The following CAMTA1 variants were observed in gnomAD, a reference collection of about 807,000 sequenced individuals.
CAMTA1 encodes the protein calmodulin-binding transcription activator 1.
Under a neutral mutation model 170.9 loss-of-function variants are expected in CAMTA1, and 27 were observed. The observed-to-expected ratio is 0.16, with a 90% CI of 0.12 to 0.22. The LOEUF (loss-of-function observed/expected upper bound fraction) is 0.22. Among genes scored for constraint, CAMTA1 ranks in the 10% least tolerant of loss-of-function variants. The pLI, the probability that CAMTA1 is intolerant of heterozygous loss-of-function variation, is 1.00. For synonymous variants in CAMTA1, 833 were observed against 891.5 expected (o/e 0.93, Z 1.17); for missense variants, 1,619 against 2,217.2 (o/e 0.73, Z 5.42).
intron 7 of CAMTA1, among the ~76,000 whole-genome samples, chr1:7,643,087 G>T (rs1440947969): frequency 6.6e-6 from 1 of 151,912 alleles, no homozygotes; most frequent in Non-Finnish European, 1.5e-5. Flanking sequence ...GGTGACCAGG[G>T]TCCAGGTGCT....
chr1:7,344,616 A>C (rs1339568780), intron 5 of CAMTA1, among the ~76,000 whole-genome samples: 1 of 152,102 alleles, frequency 6.6e-6, no homozygotes, highest in Non-Finnish European at 1.5e-5. Flanking sequence ...AGACTTCTTA[A>C]TTGTTGCCAG....
At chr1:7,632,293 G>A (rs1244861765) in intron 6 of CAMTA1, among the ~76,000 whole-genome samples, 1 of 152,226 alleles carries the variant, frequency 6.6e-6, no homozygotes, top group Non-Finnish European at 1.5e-5. Context: ...CTGGCGGCAG[G>A]CAGGCCCGCC....
At chr1:7,494,868 A>G (rs1049575636) in intron 6 of CAMTA1, among the ~76,000 whole-genome samples, 7 of 152,186 alleles carry the variant, frequency 4.6e-5, no homozygotes, top group Admixed American at 2.6e-4. Context: ...GGGAGGAACA[A>G]GTAGGGAACA....
intron 7 of CAMTA1, among the ~76,000 whole-genome samples, chr1:7,648,897 T>G (rs538791176): frequency 6.6e-6 from 1 of 152,140 alleles, no homozygotes; most frequent in African/African-American, 2.4e-5. Context: ...CCCCGGCCTA[T>G]AGCAGCCTCT....
At chr1:7,714,791 G>C (rs572188694) in intron 11 of CAMTA1, among the ~76,000 whole-genome samples, 1 of 152,054 alleles carries the variant, frequency 6.6e-6, no homozygotes, top group Non-Finnish European at 1.5e-5. Flanking sequence ...CAAAATGCTG[G>C]GATTACAGGT....
chr1:6,969,730 G>A (rs530663999), intron 3 of CAMTA1, among the ~76,000 whole-genome samples: 29 of 152,320 alleles, frequency 1.9e-4, no homozygotes, highest in African/African-American at 5.5e-4. Context: ...GTAGGCCTAC[G>A]ATTTAAACTT....
At chr1:7,263,115 G>A (rs997514222) in intron 5 of CAMTA1, among the ~76,000 whole-genome samples, 1 of 151,844 alleles carries the variant, frequency 6.6e-6, no homozygotes, top group Non-Finnish European at 1.5e-5. Context: ...CATAACACCT[G>A]GCAACAAGAT....
chr1:7,158,449 A>G (rs1647022167), intron 4 of CAMTA1, among the ~76,000 whole-genome samples: 2 of 152,298 alleles, frequency 1.3e-5, no homozygotes, highest in Admixed American at 1.3e-4. Flanking sequence ...AGTGAGGCGC[A>G]TTTGTCAGAT....
At chr1:7,235,829 A>G (rs1240817485) in intron 4 of CAMTA1, among the ~76,000 whole-genome samples, 2 of 152,190 alleles carry the variant, frequency 1.3e-5, no homozygotes, top group Non-Finnish European at 2.9e-5. Context: ...ACGATTTTCA[A>G]TTTGCCCTTA....
rs188073255 is a variant in CAMTA1, at chr1:7,147,098, G to C, written c.302+55727G>C. 2.0e-3 allele frequency among the ~76,000 whole-genome samples: 299 copies of C among 150,688 alleles called. 3 individuals are homozygous for C. Among genetic ancestry groups the C allele is most frequent in the South Asian group, 1.7e-3 (8 of 4,704 alleles). Reference sequence around the variant, plus strand: ...GCACACAAAAACACACTCATGTACAGCATGCACACACACAAACACACACTC... The same window carrying C: ...GCACACAAAAACACACTCATGTACACCATGCACACACACAAACACACACTC... On this transcript the variant is annotated intron_variant, in intron 4 of 22. Transcript: ENST00000303635.
rs116216628 is a variant in CAMTA1, at chr1:7,557,169, G to C, written c.511-83231G>C. Among the ~76,000 whole-genome samples, 312 of 152,164 alleles carry C rather than the reference G, an allele frequency of 2.1e-3. 3 individuals carry two copies. The highest frequency in any genetic ancestry group is 7.4e-3 in the African/African-American group (307 of 41,516). On this transcript the variant is annotated intron_variant, in intron 6 of 22. Transcript: ENST00000303635. ...CTAAAATACAAAAAATTAGCGGGGC[G>C]TGGCAGTGTGTGCCTGTAATCCCAG... is the stretch of plus-strand genomic sequence containing the variant.
At chr1:7,472,427 G>C in intron 6 of CAMTA1, among the ~76,000 whole-genome samples, 1 of 152,092 alleles carries the variant, frequency 6.6e-6, no homozygotes, top group Non-Finnish European at 1.5e-5. Flanking sequence ...CTGACTCCTG[G>C]CTGGGCAGTG....
At chr1:7,625,315 C>T (rs1050430964) in intron 6 of CAMTA1, among the ~76,000 whole-genome samples, 6 of 152,236 alleles carry the variant, frequency 3.9e-5, no homozygotes, top group Admixed American at 1.3e-4. Flanking sequence ...GATGCCTGCC[C>T]GTCTCTCCCC....
intron 4 of CAMTA1, among the ~76,000 whole-genome samples, chr1:7,209,050 A>C (rs1658284876): frequency 6.6e-6 from 1 of 151,544 alleles, no homozygotes; most frequent in Non-Finnish European, 1.5e-5. Flanking sequence ...TCAAGGCCCC[A>C]CCCTTTCTCC....
rs987712125 is a variant in CAMTA1, at chr1:7,580,909, G to A, written c.511-59491G>A. On this transcript the variant is annotated intron_variant, in intron 6 of 22. Transcript: ENST00000303635. The surrounding 1 kb of genome is among the most constrained non-coding windows in gnomAD (Gnocchi z 4.3). ...GACCTCGAGAAGGTCACATGACCTC[G>A]CTGGGCCTCAGTTTCCTCATCTGTA... is the stretch of plus-strand genomic sequence containing the variant. Among the ~76,000 whole-genome samples the A allele has an allele frequency of 3.3e-5, 5 of 152,320 alleles. No homozygotes were observed. Among genetic ancestry groups the A allele is most frequent in the East Asian group, 1.9e-4 (1 of 5,174 alleles).
chr1:7,732,640 T>C lies in CAMTA1; in HGVS notation c.3066+41T>C, dbSNP rs2096742524. The C allele has an allele frequency of 2.0e-6, 3 of 1,526,512 alleles. No homozygotes were observed. The East Asian group carries it at 7.0e-5, about 36-fold the overall frequency. The allele number at this position is 1,526,512 out of a possible 1,614,324, so 94.6% of individuals were successfully genotyped here. A position where few individuals can be genotyped will look rare whatever the true frequency, so the allele number is the denominator to read the frequency against. ...GATGCTCAGCTCCCATTTCGCTTCATGTTTATGGATTGGCGAGGCAGTGGA... is the reference window on the plus strand; with the variant it reads ...GATGCTCAGCTCCCATTTCGCTTCACGTTTATGGATTGGCGAGGCAGTGGA... On this transcript the variant is annotated intron_variant, in intron 12 of 22. Coordinates refer to ENST00000303635, the MANE Select transcript of CAMTA1 (RefSeq NM_015215.4). This position sits in a 1 kb window ranked among gnomAD's most constrained non-coding sequence, Gnocchi z 4.1.
At position 7,685,519 on chromosome 1, in the gene CAMTA1, C is replaced by T. The variant is rs984382409; in HGVS notation, c.2914+7786C>T. Among the ~76,000 whole-genome samples the T allele has an allele frequency of 1.3e-5, 2 of 152,182 alleles. No homozygotes were observed. Among genetic ancestry groups the T allele is most frequent in the Admixed American group, 6.5e-5 (1 of 15,286 alleles). Reference sequence around the variant, plus strand: ...CCCCATTGATGGCCCCTTCCCCAGGCGAAGCCCTCTGGCTCTGGGCAGTGC... The same window carrying T: ...CCCCATTGATGGCCCCTTCCCCAGGTGAAGCCCTCTGGCTCTGGGCAGTGC... On this transcript the variant is annotated intron_variant, in intron 11 of 22. Transcript: ENST00000303635. The surrounding 1 kb of genome is among the most constrained non-coding windows in gnomAD (Gnocchi z 5.7).
At chr1:6,966,108 T>A (rs1360076577) in intron 3 of CAMTA1, among the ~76,000 whole-genome samples, 1 of 152,170 alleles carries the variant, frequency 6.6e-6, no homozygotes, top group Non-Finnish European at 1.5e-5. Context: ...CTGACCTAGA[T>A]GAGACTGCCA....
At chr1:7,666,513 C>A (rs1261459107) in intron 9 of CAMTA1, among the ~76,000 whole-genome samples, 1 of 152,214 alleles carries the variant, frequency 6.6e-6, no homozygotes, top group South Asian at 2.1e-4. Context: ...TTCTGTAGAG[C>A]AGAATAGCAC....
Sources: gnomAD v4.1 joint callset for allele counts (sites outside exome capture counted in the v4.1 genomes callset) on GRCh38, gnomAD v4.1.1 for gene constraint, Gnocchi (gnomAD v3.1) non-coding constraint, MANE v1.5 for transcripts, NCBI Gene and HGNC (gene_info 2026-07-23, HGNC 2026-07-21) for gene names.